Variants in GATAD2B observed in about 807,000 individuals in gnomAD.
The protein encoded by GATAD2B is transcriptional repressor p66-beta.
Under a neutral mutation model 64.3 loss-of-function variants are expected in GATAD2B, and 8 were observed. That is an observed-to-expected ratio of 0.12 (90% confidence interval 0.07 to 0.22). The LOEUF is 0.22. Among genes scored for constraint, GATAD2B ranks in the 10% least tolerant of loss-of-function variants. The pLI is 1.00. For synonymous variants in GATAD2B, 281 were observed against 271.3 expected (o/e 1.04, Z -0.35); for missense variants, 453 against 752.0 (o/e 0.60, Z 4.65).
At chr1:153,857,833 T>C (rs1444516308) in intron 1 of GATAD2B, among the ~76,000 whole-genome samples, 1 of 152,200 alleles carries the variant, frequency 6.6e-6, no homozygotes, top group Non-Finnish European at 1.5e-5. Context: ...AAACTCTGAA[T>C]TAGATAATCC....
intron 1 of GATAD2B, among the ~76,000 whole-genome samples, chr1:153,909,072 G>A (rs12023578): frequency 0.16 from 25,052 of 151,992 alleles, 2,498 homozygotes; most frequent in East Asian, 0.49. Context: ...GGGTATGGTG[G>A]CATGTGCCTG....
intron 1 of GATAD2B, among the ~76,000 whole-genome samples, chr1:153,897,312 A>G (rs1466969092): frequency 1.3e-5 from 2 of 152,220 alleles, no homozygotes; most frequent in Admixed American, 1.3e-4. Flanking sequence ...TACAGGCGTG[A>G]GCCACTGCGC....
In GATAD2B at chr1:153,808,632, C is replaced by T; in HGVS notation, c.*1545G>A. On this transcript the variant is annotated 3_prime_UTR_variant, in exon 11 of 11. Coordinates refer to ENST00000368655, the MANE Select transcript of GATAD2B (RefSeq NM_020699.4). ...GGAGCCAGAGAGGCAGGTGGGTGTA[C>T]ACTATGAGAAGAGCAGAAACCCGTA... is the stretch of plus-strand genomic sequence containing the variant. 6.6e-6 allele frequency: 1 copy of T among 152,382 alleles called. No individual in the cohort carries two copies. The highest frequency in any genetic ancestry group is 2.1e-4 in the South Asian group (1 of 4,818). The allele number at this position is 152,382 out of a possible 1,614,324, so 9.4% of individuals were successfully genotyped here.
At chr1:153,815,303 A>AAAAAAAAAAAAAAAAAAAAAAAAAAAAG (rs1557780311) in intron 7 of GATAD2B, among the ~76,000 whole-genome samples, 1 of 148,812 alleles carries the variant, frequency 6.7e-6, no homozygotes, top group Admixed American at 6.7e-5. Context: ...CAAAAAAAAA[A>AAAAAAAAAAAAAAAAAAAAAAAAAAAAG]AAAAGAAAAG....
intron 1 of GATAD2B, among the ~76,000 whole-genome samples, chr1:153,870,780 A>G (rs1437001048): frequency 1.3e-5 from 2 of 152,176 alleles, no homozygotes; most frequent in Admixed American, 1.3e-4. Context: ...TGTATACAGA[A>G]ATATCCCAAA....
At chr1:153,823,065 G>C (rs193014037) in intron 2 of GATAD2B, among the ~76,000 whole-genome samples, 1 of 151,906 alleles carries the variant, frequency 6.6e-6, no homozygotes, top group African/African-American at 2.4e-5. Context: ...GATTACAGGC[G>C]TGAGCCACCA....
chr1:153,811,916 G>T, intron 9 of GATAD2B, 68 bp from the exon 10 acceptor site: 1 of 1,272,122 alleles, frequency 7.9e-7, no homozygotes, highest in Non-Finnish European at 1.1e-6. Flanking sequence ...GCAAAGATAA[G>T]GGAGTACAGA....
intron 1 of GATAD2B, among the ~76,000 whole-genome samples, chr1:153,868,930 A>G (rs1333485344): frequency 3.3e-5 from 5 of 152,004 alleles, no homozygotes; most frequent in Non-Finnish European, 5.9e-5. Flanking sequence ...GACGAAGCCA[A>G]GATACTTAGA....
intron 1 of GATAD2B, among the ~76,000 whole-genome samples, chr1:153,889,867 A>G (rs1677316806): frequency 1.3e-5 from 2 of 152,310 alleles, no homozygotes; most frequent in East Asian, 1.9e-4. Context: ...AAACATCTAC[A>G]TTATCAATAG....
intron 1 of GATAD2B, among the ~76,000 whole-genome samples, chr1:153,916,647 T>C (rs1678276798): frequency 6.6e-6 from 1 of 152,150 alleles, no homozygotes; most frequent in Admixed American, 6.6e-5. Context: ...TCAAGTGTAT[T>C]TTACCATTTT....
At chr1:153,822,724 C>T (rs1180671734) in intron 2 of GATAD2B, among the ~76,000 whole-genome samples, 4 of 152,150 alleles carry the variant, frequency 2.6e-5, no homozygotes, top group Non-Finnish European at 5.9e-5. Context: ...GTCTCAAACT[C>T]CTGACCTCGT....
chr1:153,822,174 C>G (rs1025556895), intron 2 of GATAD2B, among the ~76,000 whole-genome samples: 8 of 151,968 alleles, frequency 5.3e-5, no homozygotes, highest in Non-Finnish European at 8.8e-5. Context: ...GAGCAAAACT[C>G]TGTCTCAAAA....
At chr1:153,899,033 C>T (rs1261551287) in intron 1 of GATAD2B, 3 of 151,522 alleles carry the variant, frequency 2.0e-5, no homozygotes, top group Non-Finnish European at 4.4e-5. Flanking sequence ...AAAACTTTTA[C>T]ACTTAGACTA....
rs554749504 is a variant in GATAD2B at position 153,854,382 on chromosome 1, G to A, written c.-1-26034C>T. Among the ~76,000 whole-genome samples, 336 of 152,108 alleles carry A rather than the reference G, an allele frequency of 2.2e-3. 2 individuals carry two copies. Among genetic ancestry groups the A allele is most frequent in the Non-Finnish European group, 3.5e-3 (239 of 67,988 alleles). ...CTTGCCACTGCACTCCAGCCTGGGC[G>A]ACAGAGCAAGACTCCGTCTCAAAAA... On this transcript the variant is annotated intron_variant, in intron 1 of 10. Transcript: ENST00000368655.
chr1:153,816,165 G>C lies in GATAD2B; in HGVS notation c.1216+108C>G, dbSNP rs1243228599. ...AGGGAGGGAGGTGGTTTGGTAACAG[G>C]AAGGAGAAGTTATTTAATATTGTAC... is the stretch of plus-strand genomic sequence containing the variant. On this transcript the variant is annotated intron_variant, in intron 7 of 10. Coordinates refer to ENST00000368655, the MANE Select transcript of GATAD2B (RefSeq NM_020699.4). This position sits in a 1 kb window ranked among gnomAD's most constrained non-coding sequence, Gnocchi z 4.9. The C allele has an allele frequency of 1.1e-5, 8 of 720,396 alleles. No individual in the cohort carries two copies. The highest frequency in any genetic ancestry group is 1.4e-5 in the Non-Finnish European group (6 of 421,376). 44.6% of individuals were successfully genotyped at this position (720,396 alleles called of 1,614,324 possible).
At chr1:153,859,907 C>CTTTTTTT (rs34557576) in intron 1 of GATAD2B, among the ~76,000 whole-genome samples, 105 of 60,858 alleles carry the variant, frequency 1.7e-3, no homozygotes, top group African/African-American at 1.9e-3. Flanking sequence ...CTTTTCTTTT[C>CTTTTTTT]TTTTTTTTTT....
At chr1:153,909,557 T>A (rs1417257238) in intron 1 of GATAD2B, among the ~76,000 whole-genome samples, 3 of 151,522 alleles carry the variant, frequency 2.0e-5, no homozygotes, top group African/African-American at 7.3e-5. Flanking sequence ...ATCACAGCAC[T>A]TTGGGAAGCC....
chr1:153,830,069 C>T (rs1185156135), intron 1 of GATAD2B, among the ~76,000 whole-genome samples: 1 of 152,188 alleles, frequency 6.6e-6, no homozygotes, highest in Non-Finnish European at 1.5e-5. Context: ...GCATTCCAGC[C>T]TGGGTGACAG....
intron 1 of GATAD2B, chr1:153,853,525 C>A: frequency 3.5e-6 from 1 of 288,034 alleles, no homozygotes. Context: ...TGGAGATTAA[C>A]CCCTTATCAA....
Sources: gnomAD v4.1 joint callset for allele counts (sites outside exome capture counted in the v4.1 genomes callset) on GRCh38, gnomAD v4.1.1 for gene constraint, Gnocchi (gnomAD v3.1) non-coding constraint, MANE v1.5 for transcripts, NCBI Gene and HGNC (gene_info 2026-07-23, HGNC 2026-07-21) for gene names.